Variants in UPK1A observed in about 807,000 individuals in gnomAD.
UPK1A encodes uroplakin-1a.
Under a neutral mutation model 32.3 loss-of-function variants are expected in UPK1A, and 31 were observed. The observed-to-expected ratio is 0.96, with a 90% CI of 0.72 to 1.30. The LOEUF (loss-of-function observed/expected upper bound fraction) is 1.30. Ranked by LOEUF, UPK1A falls within the 50% of genes most tolerant of loss-of-function variation. The pLI is 0.00. For synonymous variants in UPK1A, 135 were observed against 137.1 expected (o/e 0.98, Z 0.11); for missense variants, 340 against 357.4 (o/e 0.95, Z 0.39).
exon 6 of UPK1A, chr19:35,675,936 C>G (rs374260140): frequency 2.5e-6 from 4 of 1,614,022 alleles, no homozygotes; most frequent in Non-Finnish European, 3.4e-6. Context: ...CTGGCCCCCA[C>G]TGTGCTGTCG....
chr19:35,676,816 T>C (rs1968189029), intron 6 of UPK1A, among the ~76,000 whole-genome samples: 1 of 151,486 alleles, frequency 6.6e-6, no homozygotes, highest in African/African-American at 2.4e-5. Context: ...GGAGAATCAC[T>C]TGAACTCTGG....
intron 3 of UPK1A, among the ~76,000 whole-genome samples, chr19:35,669,648 A>G (rs1351045726): frequency 6.6e-6 from 1 of 152,060 alleles, no homozygotes; most frequent in East Asian, 1.9e-4. Flanking sequence ...TCCAGCCTGG[A>G]TGACAAAGCG....
chr19:35,668,430 T>C (rs761832638), intron 2 of UPK1A, 24 bp from the exon 3 acceptor site: 1 of 1,613,784 alleles, frequency 6.2e-7, no homozygotes, highest in South Asian at 1.1e-5. Context: ...CGAGCAGACC[T>C]TCCTAACCCA....
chr19:35,675,492 G>C (rs1038838346), intron 5 of UPK1A, among the ~76,000 whole-genome samples: 1 of 151,990 alleles, frequency 6.6e-6, no homozygotes, highest in Non-Finnish European at 1.5e-5. Context: ...TGTTGGTCAG[G>C]CTGGTCTCGA....
chr19:35,674,241 C>CTTTTTTTTTTTTTTT (rs35857173), intron 5 of UPK1A, among the ~76,000 whole-genome samples: 7 of 98,982 alleles, frequency 7.1e-5, no homozygotes, highest in Non-Finnish European at 1.4e-4. Flanking sequence ...TTCTTTTTAT[C>CTTTTTTTTTTTTTTT]TTTTTTTTTT....
chr19:35,678,015 T>C lies in UPK1A; in HGVS notation c.773T>C (p.Leu258Pro), dbSNP rs562480523. 8.8e-5 allele frequency: 139 copies of C among 1,586,796 alleles called. 4 individuals are homozygous for C. In the South Asian group the frequency reaches 1.5e-3, roughly 17 times the overall value. ...ATAGCCATGTATTTCTACACCATGC[T>C]CTGAGGGACAGGAGGGGAAGGCAAC... Residue 258 changes from leucine (L) to proline (P), a missense_variant, in exon 8 of 8, where the codon CTC becomes CCC. By Grantham distance (98) the Leu-to-Pro change is moderately conservative. Coordinates refer to ENST00000617999, the Ensembl canonical transcript of UPK1A.
intron 3 of UPK1A, among the ~76,000 whole-genome samples, chr19:35,670,560 T>C (rs559284604): frequency 9.1e-5 from 5 of 55,028 alleles, no homozygotes; most frequent in Non-Finnish European, 1.3e-4. Context: ...CCTCCCCTCC[T>C]CTCCCCTCCC....
intron 5 of UPK1A, among the ~76,000 whole-genome samples, chr19:35,674,432 G>A (rs1968152327): frequency 6.6e-6 from 1 of 151,652 alleles, no homozygotes. Flanking sequence ...ATTTTTAGTA[G>A]AGATGGGTGT....
At chr19:35,675,808 G>C in intron 5 of UPK1A, 32 bp from the exon 6 acceptor site, 1 of 1,578,912 alleles carries the variant, frequency 6.3e-7, no homozygotes, top group Non-Finnish European at 8.6e-7. Context: ...CTCTGAGCCC[G>C]AGCCTGCCTG....
In UPK1A at chr19:35,677,489, G is replaced by A. The variant is rs191239334; in HGVS notation, c.649-323G>A. On this transcript the variant is annotated intron_variant, in intron 6 of 7. Transcript: ENST00000617999. ...TTCAGTGAGCCGAGATCATGCCACT[G>A]CACTGTAGCCTGGGTGACAGAGGGA... Among the ~76,000 whole-genome samples, 233 of 151,676 alleles carry A rather than the reference G, an allele frequency of 1.5e-3. 3 individuals carry two copies. Among genetic ancestry groups the A allele is most frequent in the African/African-American group, 5.3e-3 (219 of 41,334 alleles).
At chr19:35,670,782 A>T (rs1213127064) in intron 3 of UPK1A, among the ~76,000 whole-genome samples, 1 of 142,910 alleles carries the variant, frequency 7.0e-6, no homozygotes, top group African/African-American at 2.6e-5. Context: ...TGGCACAATC[A>T]TAGCTCATTG....
intron 3 of UPK1A, among the ~76,000 whole-genome samples, chr19:35,669,711 A>G (rs1267674426): frequency 6.6e-6 from 1 of 152,084 alleles, no homozygotes; most frequent in African/African-American, 2.4e-5. Flanking sequence ...ATCTTGCCAG[A>G]AGCCCTTCAC....
At chr19:35,673,257 A>G (rs1053749720) in exon 4 of UPK1A, 11 of 1,613,832 alleles carry the variant, frequency 6.8e-6, no homozygotes, top group African/African-American at 2.7e-5. Context: ...CTCATCGTCT[A>G]CATCTTCGAG....
chr19:35,672,705 C>T (rs1395447481), intron 3 of UPK1A, among the ~76,000 whole-genome samples: 2 of 152,304 alleles, frequency 1.3e-5, no homozygotes, highest in African/African-American at 4.8e-5. Flanking sequence ...ATAGCTAGGA[C>T]TAACACTACC....
chr19:35,668,463 C>A lies in UPK1A; in HGVS notation c.94C>A (p.Leu32Met), dbSNP rs568561040. Residue 32 changes from leucine (L) to methionine (M), a missense_variant, in exon 3 of 8, where the codon CTG (leucine) becomes ATG (methionine). Transcript: ENST00000617999. The stretch of plus-strand genomic sequence containing the variant: ...CCACCGCTCTGTCCAGCTGTCAGGC[C>A]TGTCCCTGTTTGCTGAGACCATATG... The A allele has an allele frequency of 5.6e-6, 9 of 1,614,050 alleles. No individual in the cohort carries two copies. In the Admixed American group the frequency reaches 1.5e-4, roughly 27 times the overall value.
chr19:35,668,421 G>A (rs201826043), intron 2 of UPK1A, 33 bp from the exon 3 acceptor site: 51 of 1,612,786 alleles, frequency 3.2e-5, no homozygotes, highest in Admixed American at 8.3e-5. Flanking sequence ...TGCTGGCCCC[G>A]AGCAGACCTT....
chr19:35,666,726 C>G, intron 1 of UPK1A, 83 bp from the exon 2 acceptor site: 1 of 1,429,928 alleles, frequency 7.0e-7, no homozygotes, highest in Non-Finnish European at 9.8e-7. Flanking sequence ...GGAGCAACCC[C>G]TCGAAGCCAG....
exon 4 of UPK1A, chr19:35,673,289 T>G (rs200331392): frequency 4.8e-5 from 77 of 1,613,874 alleles, no homozygotes; most frequent in Non-Finnish European, 1.4e-5. Context: ...CATCACGTCC[T>G]ACACCCACCG....
chr19:35,673,442 T>A (rs1968134019), exon 5 of UPK1A: 2 of 1,613,752 alleles, frequency 1.2e-6, no homozygotes, highest in Non-Finnish European at 8.5e-7. Flanking sequence ...CCTCAGATGG[T>A]GTCCAACCCA....
Sources: gnomAD v4.1 joint callset for allele counts (sites outside exome capture counted in the v4.1 genomes callset) on GRCh38, gnomAD v4.1.1 for gene constraint, MANE v1.5 for transcripts, NCBI Gene and HGNC (gene_info 2026-07-23, HGNC 2026-07-21) for gene names.